The following CADPS variants were observed in gnomAD, a reference collection of about 807,000 sequenced individuals.
CADPS encodes the protein calcium dependent secretion activator.
In CADPS, 57 loss-of-function variants were observed where a neutral mutation model predicts 167.3. That is an observed-to-expected ratio of 0.34 (90% CI 0.28 to 0.42). The LOEUF (loss-of-function observed/expected upper bound fraction) is 0.42, where lower values mean the gene tolerates loss of function less well. Ranked by LOEUF, CADPS falls within the 20% of genes least tolerant of loss-of-function variation. CADPS has a pLI of 1.00. For synonymous variants in CADPS, 676 were observed against 635.3 expected (o/e 1.06, Z -0.96); for missense variants, 1,414 against 1,738.1 (o/e 0.81, Z 3.32).
Position 62,830,049 on chromosome 3 carries a change from G to T in CADPS, c.441+44540C>A, listed in dbSNP as rs552083921. On this transcript the variant is annotated intron_variant, in intron 1 of 29. Coordinates refer to ENST00000383710, the MANE Select transcript of CADPS (RefSeq NM_003716.4). Reference sequence around the variant, plus strand: ...TAGGTGGGTGGCTCAGTGGGTGATTGGTTTCCACCCCCACTGCCCATGCCA... The same window carrying T: ...TAGGTGGGTGGCTCAGTGGGTGATTTGTTTCCACCCCCACTGCCCATGCCA... 6.2e-4 allele frequency among the ~76,000 whole-genome samples: 95 copies of T among 152,236 alleles called. 1 individual carries two copies. The South Asian group carries it at 0.011, about 18-fold the overall frequency.
chr3:62,833,605 G>A (rs1273937400), intron 1 of CADPS, among the ~76,000 whole-genome samples: 1 of 152,016 alleles, frequency 6.6e-6, no homozygotes, highest in Admixed American at 6.6e-5. Flanking sequence ...GGTTTACACT[G>A]GTATAATATA....
intron 6 of CADPS, among the ~76,000 whole-genome samples, chr3:62,605,077 C>T (rs1044672067): frequency 1.3e-5 from 2 of 152,182 alleles, no homozygotes; most frequent in African/African-American, 4.8e-5. Context: ...CTTGAATCTG[C>T]CTTAAGACAC....
intron 13 of CADPS, 136 bp downstream of exon 13, chr3:62,532,734 TG>T: frequency 1.6e-6 from 1 of 630,636 alleles, no homozygotes. Flanking sequence ...TGTGTGTGTG[TG>T]TGTGTGTGTG....
At position 62,678,539 on chromosome 3, in the gene CADPS, G is replaced by C. The variant is rs149984573; in HGVS notation, c.889-16145C>G. 2.2e-3 allele frequency among the ~76,000 whole-genome samples: 329 copies of C among 152,030 alleles called. 2 individuals are homozygous for C. The highest frequency in any genetic ancestry group is 4.2e-3 in the Non-Finnish European group (286 of 67,958). Reference sequence around the variant, plus strand: ...TGAGAAACCACACTTATCTTGTACAGAAGGAAGAAACTGCAATGAATTCAT... The same window carrying C: ...TGAGAAACCACACTTATCTTGTACACAAGGAAGAAACTGCAATGAATTCAT... On this transcript the variant is annotated intron_variant, in intron 3 of 29. Coordinates refer to ENST00000383710, the MANE Select transcript of CADPS (RefSeq NM_003716.4).
At chr3:62,462,877 C>T (rs1035747529) in intron 26 of CADPS, among the ~76,000 whole-genome samples, 7 of 152,130 alleles carry the variant, frequency 4.6e-5, no homozygotes, top group African/African-American at 1.7e-4. Flanking sequence ...GGAGATATTC[C>T]TGCCACCTCT....
chr3:62,503,872 TGA>T (rs1484998982), intron 17 of CADPS, among the ~76,000 whole-genome samples: 1 of 152,176 alleles, frequency 6.6e-6, no homozygotes, highest in East Asian at 1.9e-4. Context: ...CTCTCTTTAA[TGA>T]GTGTCTCATT....
intron 22 of CADPS, among the ~76,000 whole-genome samples, chr3:62,480,876 T>C (rs1022642553): frequency 6.6e-6 from 1 of 152,186 alleles, no homozygotes; most frequent in African/African-American, 2.4e-5. Context: ...CTCGATCTTC[T>C]TGCTAACTAA....
At chr3:62,639,537 A>G (rs916723102) in intron 6 of CADPS, among the ~76,000 whole-genome samples, 1 of 152,130 alleles carries the variant, frequency 6.6e-6, no homozygotes, top group African/African-American at 2.4e-5. Context: ...CACAACTTCA[A>G]AGGTCGTATC....
At chr3:62,513,900 T>G (rs1236109956) in intron 16 of CADPS, among the ~76,000 whole-genome samples, 1 of 151,874 alleles carries the variant, frequency 6.6e-6, no homozygotes, top group African/African-American at 2.4e-5. Flanking sequence ...ATGCCGTGAG[T>G]CACGAGAGAG....
intron 3 of CADPS, among the ~76,000 whole-genome samples, chr3:62,673,983 T>C (rs1858385): frequency 0.13 from 20,322 of 152,192 alleles, 1,842 homozygotes; most frequent in Admixed American, 0.22. Context: ...TCGAATGCTT[T>C]TGCTAAAAAA....
rs768387474 is a variant in CADPS at position 62,765,892 on chromosome 3, G to A, written c.534C>T (p.Asn178=). The A allele has an allele frequency of 1.9e-5, 31 of 1,611,456 alleles. No individual in the cohort carries two copies. Among genetic ancestry groups the A allele is most frequent in the Non-Finnish European group, 2.2e-5 (26 of 1,177,944 alleles). The part of the protein sequence containing the change: ...TQIMADEAFM[N]AVQSYYEVFL... ...TCACCTCATAGTAACTCTGCACAGC[G>A]TTCATGAAGGCTTCGTCAGCCATGA... The change falls in exon 2 of 30, where the codon AAC becomes AAT. Residue 178 remains asparagine (N), a synonymous_variant. Coordinates refer to ENST00000383710, the MANE Select transcript of CADPS (RefSeq NM_003716.4).
chr3:62,542,425 A>G (rs1266702716), intron 11 of CADPS, among the ~76,000 whole-genome samples: 2 of 152,128 alleles, frequency 1.3e-5, no homozygotes, highest in Non-Finnish European at 2.9e-5. Context: ...ATCAGAAGAC[A>G]TGAAATAAAG....
chr3:62,436,607 C>G (rs1283617682), intron 28 of CADPS, among the ~76,000 whole-genome samples: 2 of 152,132 alleles, frequency 1.3e-5, no homozygotes, highest in Non-Finnish European at 2.9e-5. Context: ...GGGGGAGGAC[C>G]CGCTGGTGAG....
At chr3:62,647,997 C>T (rs553871093) in intron 5 of CADPS, among the ~76,000 whole-genome samples, 23 of 152,220 alleles carry the variant, frequency 1.5e-4, no homozygotes, top group Non-Finnish European at 3.1e-4. Flanking sequence ...GACCTTCCTT[C>T]CCTCACTGCA....
chr3:62,477,478 T>C (rs1350642895), intron 23 of CADPS, among the ~76,000 whole-genome samples: 1 of 152,216 alleles, frequency 6.6e-6, no homozygotes, highest in Non-Finnish European at 1.5e-5. Flanking sequence ...AAAGGGATTC[T>C]ACTACTCTCA....
chr3:62,824,857 TTCTCCCACATTC>T (rs1278206977), intron 1 of CADPS, among the ~76,000 whole-genome samples: 1 of 152,126 alleles, frequency 6.6e-6, no homozygotes, highest in Non-Finnish European at 1.5e-5. Context: ...CCAAGCTTCC[TTCTCCCACATTC>T]TCTCCCACAT....
intron 1 of CADPS, among the ~76,000 whole-genome samples, chr3:62,774,074 T>C (rs2089650525): frequency 6.6e-6 from 1 of 152,060 alleles, no homozygotes; most frequent in African/African-American, 2.4e-5. Flanking sequence ...CCAACAATTA[T>C]CTAGCAGAAG....
At chr3:62,757,063 C>A (rs1247673728) in intron 2 of CADPS, among the ~76,000 whole-genome samples, 2 of 152,218 alleles carry the variant, frequency 1.3e-5, no homozygotes, top group East Asian at 3.9e-4. Context: ...AGAAAATAGG[C>A]AGGGAGGCCA....
At chr3:62,756,057 C>CTTT (rs59705571) in intron 2 of CADPS, among the ~76,000 whole-genome samples, 1 of 142,076 alleles carries the variant, frequency 7.0e-6, no homozygotes, top group Non-Finnish European at 1.5e-5. Context: ...TTTTCTTTTT[C>CTTT]TTTTTTTTTT....
Sources: gnomAD v4.1 joint callset for allele counts (sites outside exome capture counted in the v4.1 genomes callset) on GRCh38, gnomAD v4.1.1 for gene constraint, MANE v1.5 for transcripts, NCBI Gene and HGNC (gene_info 2026-07-23, HGNC 2026-07-21) for gene names.